The following ABCA1 variants were observed in gnomAD, a reference collection of about 807,000 sequenced individuals.
ABCA1 encodes the protein phospholipid-transporting ATPase ABCA1.
In ABCA1, 133 loss-of-function variants were observed where a neutral mutation model predicts 262.5. The ratio of observed to expected loss-of-function variants is 0.51; its 90% confidence interval spans 0.44 to 0.59. The LOEUF is 0.59. Ranked by LOEUF, ABCA1 falls within the 20% of genes least tolerant of loss-of-function variation. The probability of loss-of-function intolerance (pLI) is 0.00; values close to 1 mark genes in which losing one functional copy is unlikely to be tolerated. For synonymous variants in ABCA1, 1,022 were observed against 1,043.5 expected (o/e 0.98, Z 0.40); for missense variants, 2,452 against 2,777.5 (o/e 0.88, Z 2.63).
intron 5 of ABCA1, among the ~76,000 whole-genome samples, chr9:104,882,110 C>T (rs1270410742): frequency 6.9e-6 from 1 of 145,632 alleles, no homozygotes; most frequent in Non-Finnish European, 1.5e-5. Flanking sequence ...CTTCTTTTGC[C>T]AAATAGAAAA....
At chr9:104,905,787 G>A (rs569062047) in intron 1 of ABCA1, among the ~76,000 whole-genome samples, 2 of 152,300 alleles carry the variant, frequency 1.3e-5, no homozygotes, top group East Asian at 1.9e-4. Flanking sequence ...GAATCAGTTC[G>A]TTGATTTAGA....
At chr9:104,825,574 T>C in intron 17 of ABCA1, 109 bp downstream of exon 17, 1 of 1,119,842 alleles carries the variant, frequency 8.9e-7, no homozygotes, top group Non-Finnish European at 1.3e-6. Context: ...TATAGATCTA[T>C]AGCCCAAACC....
Position 104,861,479 on chromosome 9 carries a change from C to T in ABCA1, c.543+200G>A, listed in dbSNP as rs568423644. 763 of 670,036 alleles carry T rather than the reference C, an allele frequency of 1.1e-3. 17 individuals are homozygous for T. In the South Asian group the frequency reaches 0.013, roughly 11 times the overall value. The allele number at this position is 670,036 out of a possible 1,614,324, so 41.5% of individuals were successfully genotyped here. ...TTTATTTTAACCAGCTGGCCCATGA[C>T]GCCAGGTTGCATATTCCACTCCTGG... On this transcript the variant is annotated intron_variant, in intron 6 of 49. Transcript: ENST00000374736.
chr9:104,926,775 C>T (rs1186986584), intron 1 of ABCA1, among the ~76,000 whole-genome samples: 1 of 152,236 alleles, frequency 6.6e-6, no homozygotes, highest in African/African-American at 2.4e-5. Context: ...GGCCCAGCTT[C>T]CCCATCTGCG....
Position 104,906,750 on chromosome 9 carries a change from C to A in ABCA1, c.-92-2979G>T, listed in dbSNP as rs866073410. ...AGTTAGTGAACAAACAAACCAAAAT[C>A]AAAAAAAAAAAAAAAAAAGATATAA... On this transcript the variant is annotated intron_variant, in intron 1 of 49. Coordinates refer to ENST00000374736, the MANE Select transcript of ABCA1 (RefSeq NM_005502.4). 6.6e-3 allele frequency among the ~76,000 whole-genome samples: 545 copies of A among 82,694 alleles called. 2 individuals are homozygous for A. Among genetic ancestry groups the A allele is most frequent in the African/African-American group, 0.015 (353 of 23,224 alleles). 54.3% of individuals were successfully genotyped at this position (82,694 alleles called of 152,430 possible).
intron 5 of ABCA1, among the ~76,000 whole-genome samples, chr9:104,880,932 C>G (rs1477930531): frequency 6.6e-6 from 1 of 152,056 alleles, no homozygotes; most frequent in African/African-American, 2.4e-5. Context: ...GGGCAGATCA[C>G]GAGGTTAGGA....
At chr9:104,800,291 T>C (rs767344920) in intron 35 of ABCA1, among the ~76,000 whole-genome samples, 3 of 152,318 alleles carry the variant, frequency 2.0e-5, no homozygotes, top group African/African-American at 7.2e-5. Context: ...GAGGTTTAGA[T>C]AGGTTAAGTA....
chr9:104,926,812 C>G (rs1433381083), intron 1 of ABCA1, among the ~76,000 whole-genome samples: 4 of 152,232 alleles, frequency 2.6e-5, no homozygotes, highest in African/African-American at 9.6e-5. Flanking sequence ...CCCGAGAGAC[C>G]AGCAGCAACG....
chr9:104,884,054 C>G (rs1838929945), intron 4 of ABCA1, among the ~76,000 whole-genome samples: 1 of 152,218 alleles, frequency 6.6e-6, no homozygotes, highest in Admixed American at 6.5e-5. Flanking sequence ...CTGTCAGCTT[C>G]TTATGGGCAA....
At chr9:104,915,369 C>T (rs997609908) in intron 1 of ABCA1, among the ~76,000 whole-genome samples, 13 of 152,278 alleles carry the variant, frequency 8.5e-5, no homozygotes, top group East Asian at 1.9e-4. Flanking sequence ...CTAAGTCTTG[C>T]CCTCCAAAAC....
intron 1 of ABCA1, among the ~76,000 whole-genome samples, chr9:104,906,526 C>T (rs777452747): frequency 3.9e-5 from 6 of 152,044 alleles, no homozygotes; most frequent in Non-Finnish European, 5.9e-5. Context: ...TTGCTGGGCA[C>T]ACTTAGGCAA....
rs1218487448 is a variant in ABCA1, at chr9:104,829,048, A to C, written c.1983T>G (p.Tyr661Ter). Residue 661 changes from tyrosine to a stop codon, truncating the protein, a stop_gained, in exon 15 of 50, where the codon TAT becomes TAG. Transcript: ENST00000374736. LOFTEE classifies it high-confidence loss of function. ...SVAVIIKGIV[Y>*]EKEARLKETM... ...TCTCTTTCAGCCGTGCCTCCTTCTC[A>C]TACACGATGCCCTTGATGATCACAG... 1 of 1,614,066 alleles carries C rather than the reference A, an allele frequency of 6.2e-7. No homozygotes were observed. The highest frequency in any genetic ancestry group is 8.5e-7 in the Non-Finnish European group (1 of 1,180,046).
chr9:104,862,654 C>A (rs1220676024), intron 5 of ABCA1, among the ~76,000 whole-genome samples: 974 of 7,460 alleles, frequency 0.13, 186 homozygotes, highest in Non-Finnish European at 0.16. Flanking sequence ...CGGGCCGGGC[C>A]GGGCCGGGCC....
intron 5 of ABCA1, among the ~76,000 whole-genome samples, chr9:104,867,555 G>C (rs1416837118): frequency 6.6e-6 from 1 of 152,210 alleles, no homozygotes; most frequent in African/African-American, 2.4e-5. Flanking sequence ...ATATGTATGT[G>C]TGTATTATAA....
rs1386065147 is a variant in ABCA1, at chr9:104,796,204, A to G, written c.5238-7T>C. ...GAGAGGTGTGATTGACCACCTGTTG[A>G]GACACAAAAAGATAAGTGTCTACTG... On this transcript the variant is annotated splice_region_variant and splice_polypyrimidine_tract_variant and intron_variant, in intron 38 of 49. Transcript: ENST00000374736. 6.2e-7 allele frequency: 1 copy of G among 1,614,136 alleles called. No homozygotes were observed. Among genetic ancestry groups the G allele is most frequent in the East Asian group, 2.2e-5 (1 of 44,876 alleles).
intron 2 of ABCA1, among the ~76,000 whole-genome samples, chr9:104,891,673 G>A (rs1839756302): frequency 6.6e-6 from 1 of 150,852 alleles, no homozygotes; most frequent in Non-Finnish European, 1.5e-5. Flanking sequence ...AGGATGATAA[G>A]AACGTAGGTG....
At chr9:104,789,379 G>T (rs73517889) in intron 44 of ABCA1, among the ~76,000 whole-genome samples, 155 of 152,296 alleles carry the variant, frequency 1.0e-3, no homozygotes, top group African/African-American at 3.6e-3. Context: ...GTTGTGCAGC[G>T]CTAGGCCTGC....
At chr9:104,822,740 T>A in intron 18 of ABCA1, 73 bp from the exon 19 acceptor site, 1 of 1,570,926 alleles carries the variant, frequency 6.4e-7, no homozygotes, top group Non-Finnish European at 8.7e-7. Context: ...CACAGGGCAC[T>A]GCGCTTGAAC....
intron 30 of ABCA1, among the ~76,000 whole-genome samples, chr9:104,807,264 G>C (rs1487784175): frequency 6.6e-6 from 1 of 152,132 alleles, no homozygotes; most frequent in Middle Eastern, 3.2e-3. Flanking sequence ...ACTGGGGTGA[G>C]AATGCTCGTC....
Sources: allele counts gnomAD v4.1 joint callset (sites outside exome capture counted in the v4.1 genomes callset), GRCh38; gene constraint gnomAD v4.1.1; transcripts MANE v1.5; gene names NCBI Gene and HGNC (gene_info 2026-07-23, HGNC 2026-07-21).